SPTLC2: variants seen among roughly 807,000 people sequenced by gnomAD.
SPTLC2 encodes the protein serine palmitoyltransferase long chain base subunit 2.
SPTLC2 carries 21 observed loss-of-function variants against 62.0 expected under a neutral mutation model. That is an observed-to-expected ratio of 0.34 (90% CI 0.24 to 0.49). SPTLC2 has a LOEUF of 0.49. Among genes scored for constraint, SPTLC2 ranks in the 20% least tolerant of loss-of-function variants. SPTLC2 has a pLI of 0.99. For missense variants in SPTLC2, 511 were observed against 713.0 expected (o/e 0.72, Z 3.23); for synonymous variants, 261 against 261.8 (o/e 1.00, Z 0.03).
At chr14:77,588,866 C>T (rs910336959) in intron 2 of SPTLC2, among the ~76,000 whole-genome samples, 2 of 150,608 alleles carry the variant, frequency 1.3e-5, no homozygotes, top group African/African-American at 2.4e-5. Flanking sequence ...CATGGTGGTA[C>T]GTGCCTGTAG....
At chr14:77,581,698 C>T (rs2079752010) in intron 2 of SPTLC2, among the ~76,000 whole-genome samples, 1 of 151,986 alleles carries the variant, frequency 6.6e-6, no homozygotes, top group East Asian at 1.9e-4. Context: ...AGGTGTGAGC[C>T]ACCATGCCCA....
chr14:77,605,203 GT>G (rs906434238), intron 1 of SPTLC2, among the ~76,000 whole-genome samples: 5 of 150,932 alleles, frequency 3.3e-5, no homozygotes, highest in African/African-American at 4.9e-5. Context: ...TTTAGATGAG[GT>G]TTCCCTATGT....
At position 77,587,925 on chromosome 14, in the gene SPTLC2, T is replaced by TTG. The variant is rs1566788526; in HGVS notation, c.328-8817_328-8816insCA. Among the ~76,000 whole-genome samples, 14 of 151,202 alleles carry TTG rather than the reference T, an allele frequency of 9.3e-5. No individual in the cohort carries two copies. In the South Asian group the frequency reaches 2.1e-3, roughly 23 times the overall value. On this transcript the variant is annotated intron_variant, in intron 2 of 11. Coordinates refer to ENST00000216484, the MANE Select transcript of SPTLC2 (RefSeq NM_004863.4). The stretch of plus-strand genomic sequence containing the variant: ...GTTTTGAATTTTTATTTGGGCAACA[T>TTG]TTGTTGTTGTTGTTGTTGTTATTGT...
At chr14:77,570,606 CT>C (rs2079676404) in intron 4 of SPTLC2, 98 bp from the exon 5 acceptor site, 10 of 1,439,584 alleles carry the variant, frequency 6.9e-6, no homozygotes, top group Non-Finnish European at 9.6e-6. Flanking sequence ...GTGTTGTGTC[CT>C]TTTCAGACTA....
intron 2 of SPTLC2, among the ~76,000 whole-genome samples, chr14:77,595,410 G>A (rs970180836): frequency 2.0e-5 from 3 of 152,120 alleles, no homozygotes; most frequent in Non-Finnish European, 4.4e-5. Context: ...ATGTGTTTGG[G>A]TTTTAAAAGA....
intron 7 of SPTLC2, among the ~76,000 whole-genome samples, chr14:77,556,121 G>A (rs925920774): frequency 2.9e-4 from 44 of 151,798 alleles, no homozygotes; most frequent in African/African-American, 9.7e-4. Context: ...TCAGGAGTTC[G>A]AGACCAGCCC....
At chr14:77,581,772 A>C (rs2079752509) in intron 2 of SPTLC2, among the ~76,000 whole-genome samples, 1 of 152,112 alleles carries the variant, frequency 6.6e-6, no homozygotes, top group Admixed American at 6.6e-5. Flanking sequence ...AATATTCATA[A>C]ATAACATGTC....
chr14:77,558,626 G>GTTTT (rs11412876), intron 6 of SPTLC2, among the ~76,000 whole-genome samples: 1 of 143,712 alleles, frequency 7.0e-6, no homozygotes, highest in Non-Finnish European at 1.5e-5. Flanking sequence ...CAGTTTTTTT[G>GTTTT]TTTTTTTTTT....
At chr14:77,531,945 T>G (rs1047685122) in intron 9 of SPTLC2, among the ~76,000 whole-genome samples, 2 of 152,246 alleles carry the variant, frequency 1.3e-5, no homozygotes, top group Non-Finnish European at 2.9e-5. Flanking sequence ...TTAAAATACT[T>G]GGAAAATCAC....
At chr14:77,573,585 G>T (rs1217546733) in intron 4 of SPTLC2, among the ~76,000 whole-genome samples, 2 of 152,094 alleles carry the variant, frequency 1.3e-5, no homozygotes, top group Non-Finnish European at 2.9e-5. Flanking sequence ...GGGAAATTTG[G>T]ACACAGTGAT....
At chr14:77,575,078 TG>T (rs1184285375) in intron 4 of SPTLC2, among the ~76,000 whole-genome samples, 2 of 152,014 alleles carry the variant, frequency 1.3e-5, no homozygotes, top group African/African-American at 2.4e-5. Flanking sequence ...AAAAATCAGC[TG>T]GGCATGGTGG....
At chr14:77,606,274 G>C (rs1427341874) in intron 1 of SPTLC2, among the ~76,000 whole-genome samples, 4 of 152,226 alleles carry the variant, frequency 2.6e-5, no homozygotes, top group Admixed American at 6.5e-5. Flanking sequence ...AGGTTGCAGT[G>C]AGCCAAAACC....
intron 5 of SPTLC2, among the ~76,000 whole-genome samples, chr14:77,564,412 C>CGCAT (rs2079633189): frequency 5.5e-5 from 1 of 18,072 alleles, no homozygotes; most frequent in Admixed American, 5.9e-4. Flanking sequence ...CACACACACA[C>CGCAT]ACACACACAC....
At chr14:77,535,842 T>G (rs2079466760) in intron 9 of SPTLC2, 4 of 383,254 alleles carry the variant, frequency 1.0e-5, no homozygotes, top group Non-Finnish European at 1.0e-5. Context: ...TGGACAGAAA[T>G]CTAAGTCAAG....
chr14:77,566,825 C>A (rs950171727), intron 5 of SPTLC2, among the ~76,000 whole-genome samples: 4 of 151,828 alleles, frequency 2.6e-5, no homozygotes, highest in African/African-American at 7.3e-5. Flanking sequence ...CAATATACTG[C>A]CCCACCCTGC....
chr14:77,533,874 T>A (rs545296351), intron 9 of SPTLC2, among the ~76,000 whole-genome samples: 112 of 152,216 alleles, frequency 7.4e-4, no homozygotes, highest in African/African-American at 2.6e-3. Flanking sequence ...AGAATAAATA[T>A]GGGCTGGGCG....
intron 4 of SPTLC2, among the ~76,000 whole-genome samples, chr14:77,575,365 A>G (rs190981298): frequency 2.2e-4 from 34 of 152,144 alleles, no homozygotes; most frequent in African/African-American, 7.7e-4. Context: ...TTAAATATGG[A>G]TGCAAATTCT....
chr14:77,546,675 A>G (rs769087920), intron 9 of SPTLC2, among the ~76,000 whole-genome samples: 4 of 152,166 alleles, frequency 2.6e-5, no homozygotes, highest in Admixed American at 6.5e-5. Flanking sequence ...CCCACACAGC[A>G]TATCTACCAC....
rs1414350341 is a variant in SPTLC2, at chr14:77,531,483, C to T, written c.1304-9902G>A. Among the ~76,000 whole-genome samples the T allele has an allele frequency of 1.1e-4, 10 of 90,898 alleles. 1 individual carries two copies. The East Asian group carries it at 2.7e-3, about 24-fold the overall frequency. 59.6% of individuals were successfully genotyped at this position (90,898 alleles called of 152,430 possible). ...CCTCCTCCTCCTCCTCCCCCTCCCC[C>T]TCCTCCTCCTCCTCCTCCTCCTCCT... On this transcript the variant is annotated intron_variant, in intron 9 of 11. Coordinates refer to ENST00000216484, the MANE Select transcript of SPTLC2 (RefSeq NM_004863.4).
Sources: gnomAD v4.1 joint callset for allele counts (sites outside exome capture counted in the v4.1 genomes callset) on GRCh38, gnomAD v4.1.1 for gene constraint, MANE v1.5 for transcripts, NCBI Gene and HGNC (gene_info 2026-07-23, HGNC 2026-07-21) for gene names.